The following GATA5 variants were observed in gnomAD, a reference collection of about 807,000 sequenced individuals.
GATA5 encodes GATA binding protein 5, also known as transcription factor GATA-5.
Under a neutral mutation model 35.0 loss-of-function variants are expected in GATA5, and 27 were observed. That is an observed-to-expected ratio of 0.77 (90% CI 0.57 to 1.06). The LOEUF is 1.06. GATA5 is among the 50% of genes least tolerant of loss of function. GATA5 has a pLI of 0.00. For synonymous variants in GATA5, 306 were observed against 267.8 expected, an observed-to-expected ratio of 1.14 and a Z score of -1.39; for missense variants, 612 against 580.0, an observed-to-expected ratio of 1.06 and a Z score of -0.57.
rs564720227 is a variant in GATA5, at chr20:62,475,496, G to C, written c.26C>G (p.Ala9Gly). 9.8e-6 allele frequency: 13 copies of C among 1,320,534 alleles called. No homozygotes were observed. In the South Asian group the frequency reaches 2.8e-4, roughly 28 times the overall value. 81.8% of individuals were successfully genotyped at this position (1,320,534 alleles called of 1,614,324 possible). A position where few individuals can be genotyped will look rare whatever the true frequency, so the allele number is the denominator to read the frequency against. ...GGCGTAGGCGGCCTGGCGGGGGCTC[G>C]CGGCCAGCGCCAGGCTCTGGTACAT... The part of the protein sequence containing the change: MYQSLALA[A>G]SPRQAAYADS... The change falls in exon 2 of 7, where the codon GCG becomes GGG. Residue 9 changes from alanine (A) to glycine (G), a missense_variant. By Grantham distance (60) the Ala-to-Gly change is moderately conservative. Coordinates refer to ENST00000252997, the MANE Select transcript of GATA5 (RefSeq NM_080473.5).
At chr20:62,465,223 C>T (rs1361875132) in intron 6 of GATA5, 117 bp downstream of exon 6, 90 of 1,158,240 alleles carry the variant, frequency 7.8e-5, no homozygotes, top group Non-Finnish European at 9.9e-5. Flanking sequence ...CGAAGGCAGC[C>T]GGTGTGTCCA....
intron 6 of GATA5, 80 bp downstream of exon 6, chr20:62,465,260 G>A: frequency 7.0e-7 from 1 of 1,428,246 alleles, no homozygotes; most frequent in Non-Finnish European, 9.3e-7. Context: ...AGGCTCCGAG[G>A]GGCTCTGATG....
chr20:62,468,786 G>C (rs1215161722), intron 3 of GATA5, among the ~76,000 whole-genome samples: 2 of 152,360 alleles, frequency 1.3e-5, no homozygotes, highest in East Asian at 3.9e-4. Flanking sequence ...CTGGGGGTGA[G>C]ACTTCTGCTC....
At chr20:62,467,314 CA>C (rs1204592814) in intron 3 of GATA5, among the ~76,000 whole-genome samples, 1 of 152,188 alleles carries the variant, frequency 6.6e-6, no homozygotes, top group Non-Finnish European at 1.5e-5. Context: ...GAAGGTGGAC[CA>C]GGGGCCTCCC....
chr20:62,467,398 C>T (rs965567481), intron 3 of GATA5, among the ~76,000 whole-genome samples: 6 of 152,062 alleles, frequency 3.9e-5, no homozygotes, highest in South Asian at 4.1e-4. Context: ...TTTGGGAGCT[C>T]GGGAGCTCCA....
chr20:62,466,507 C>G lies in GATA5; in HGVS notation c.744G>C (p.Thr248=). 1 of 1,565,804 alleles carries G rather than the reference C, an allele frequency of 6.4e-7. No homozygotes were observed. The highest frequency in any genetic ancestry group is 8.7e-7 in the Non-Finnish European group (1 of 1,155,374). ...RAGLCCTNCH[T]TNTTLWRRNS... is the part of the protein sequence containing the mutation. ...TCCGCCGCCACAGCGTGGTGTTGGTCGTGTGGCAGTTGGTGCAGCAGAGGC... is the reference window on the plus strand; with the variant it reads ...TCCGCCGCCACAGCGTGGTGTTGGTGGTGTGGCAGTTGGTGCAGCAGAGGC... The change falls in exon 4 of 7, where the codon ACG becomes ACC. Residue 248 remains threonine, a synonymous_variant. Coordinates refer to ENST00000252997, the MANE Select transcript of GATA5 (RefSeq NM_080473.5).
At chr20:62,471,315 T>A (rs1452705860) in intron 3 of GATA5, among the ~76,000 whole-genome samples, 1 of 151,774 alleles carries the variant, frequency 6.6e-6, no homozygotes, top group African/African-American at 2.4e-5. Context: ...TGAAGGGAGG[T>A]CTGGGCTGCA....
At chr20:62,475,843 G>C in intron 1 of GATA5, 87 bp downstream of exon 1, 1 of 220,262 alleles carries the variant, frequency 4.5e-6, no homozygotes, top group Non-Finnish European at 8.9e-6. Flanking sequence ...GCCGCAGGAC[G>C]CAGGGCCTGG....
At chr20:62,473,934 G>T (rs1244737372) in intron 2 of GATA5, among the ~76,000 whole-genome samples, 1 of 152,132 alleles carries the variant, frequency 6.6e-6, no homozygotes, top group Non-Finnish European at 1.5e-5. Flanking sequence ...GTCTACACTG[G>T]CGGGGGAGGT....
At chr20:62,472,291 C>T (rs1989741957) in intron 3 of GATA5, among the ~76,000 whole-genome samples, 1 of 152,172 alleles carries the variant, frequency 6.6e-6, no homozygotes, top group Non-Finnish European at 1.5e-5. Context: ...GGTCCTGCTT[C>T]CCACCACCTG....
rs1327408328 is a variant in GATA5, at chr20:62,475,347, C to A, written c.175G>T (p.Ala59Ser). Residue 59 changes from alanine to serine, a missense_variant, in exon 2 of 7, where the codon GCT becomes TCT. Physicochemically the swap from Ala to Ser is moderately conservative, Grantham distance 99. Transcript: ENST00000252997. ...GTCTGCGCCCAGCCGGGGCGCGCAG[C>A]GAGCTCGGGGGGCTGCGGGCTCGGC... ...CEPSPQPPEL[A>S]ARPGWAQTAT... 2 of 1,255,674 alleles carry A rather than the reference C, an allele frequency of 1.6e-6. No individual in the cohort carries two copies. The highest frequency in any genetic ancestry group is 1.0e-6 in the Non-Finnish European group (1 of 999,160). 77.8% of individuals were successfully genotyped at this position (1,255,674 alleles called of 1,614,324 possible). A position where few individuals can be genotyped will look rare whatever the true frequency, so the allele number is the denominator to read the frequency against.
chr20:62,474,452 A>G (rs1422444788), intron 2 of GATA5, among the ~76,000 whole-genome samples: 2 of 152,214 alleles, frequency 1.3e-5, no homozygotes, highest in Non-Finnish European at 2.9e-5. Flanking sequence ...GAGGCCTCCA[A>G]GGTCCCGGAG....
At chr20:62,465,133 G>A (rs1048019550) in intron 6 of GATA5, 142 bp from the exon 7 acceptor site, 3 of 900,502 alleles carry the variant, frequency 3.3e-6, no homozygotes, top group East Asian at 5.4e-5. Flanking sequence ...ATGGCATGGG[G>A]GACCCCACGT....
intron 3 of GATA5, among the ~76,000 whole-genome samples, chr20:62,469,574 G>T (rs1233177262): frequency 1.3e-5 from 2 of 152,254 alleles, no homozygotes; most frequent in Non-Finnish European, 2.9e-5. Flanking sequence ...ACAAGGTGGG[G>T]CGCGCAGGAC....
At chr20:62,465,764 C>T in intron 5 of GATA5, 70 bp downstream of exon 5, 3 of 1,204,720 alleles carry the variant, frequency 2.5e-6, no homozygotes, top group Non-Finnish European at 3.6e-6. Context: ...ACAGGTCTCT[C>T]ATGACGGAAC....
intron 3 of GATA5, 25 bp from the exon 4 acceptor site, chr20:62,466,576 T>C: frequency 6.5e-7 from 1 of 1,539,274 alleles, no homozygotes; most frequent in Non-Finnish European, 8.8e-7. Flanking sequence ...GAGACTGGAG[T>C]GAGCCCCGGG....
rs539360544 is a variant in GATA5 at position 62,466,667 on chromosome 20, G to A, written c.700-116C>T. 2.6e-5 allele frequency: 32 copies of A among 1,229,446 alleles called. 1 individual carries two copies. Among genetic ancestry groups the A allele is most frequent in the South Asian group, 2.9e-5 (2 of 68,068 alleles). The allele number at this position is 1,229,446 out of a possible 1,614,324, so 76.2% of individuals were successfully genotyped here. A position where few individuals can be genotyped will look rare whatever the true frequency, so the allele number is the denominator to read the frequency against. ...CCACGCAGGACCCGGTGAGAAGGTC[G>A]TGAGCTCTGCAATGGCCTCGCCTGG... On this transcript the variant is annotated intron_variant, in intron 3 of 6. Transcript: ENST00000252997.
In GATA5 at chr20:62,464,876, G is replaced by GC. The variant is rs782541275; in HGVS notation, c.1153dup (p.Ala385GlyfsTer32). On this transcript the variant is annotated frameshift_variant, in exon 7 of 7. Coordinates refer to ENST00000252997, the MANE Select transcript of GATA5 (RefSeq NM_080473.5). LOFTEE classifies it high-confidence loss of function. ...CGCACACCAGGCCTCTTGGCGCAGAGCCCCCCTGAGGCCAGCCTGGGGGCT... is the reference window on the plus strand; with the variant it reads ...CGCACACCAGGCCTCTTGGCGCAGAGCCCCCCCTGAGGCCAGCCTGGGGGCT... 1.9e-6 allele frequency: 3 copies of GC among 1,609,708 alleles called. No homozygotes were observed. Among genetic ancestry groups the GC allele is most frequent in the South Asian group, 1.1e-5 (1 of 90,886 alleles).
rs1989841368 is a variant in GATA5 at position 62,475,560 on chromosome 20, A to C, written c.-21-18T>G. On this transcript the variant is annotated intron_variant, in intron 1 of 6. Transcript: ENST00000252997. ...GTCTTGACCTGCAGGGAAGAGGGAC[A>C]GGTGTGGAGGTCACGGGAGCTCTGC... 6 of 1,243,862 alleles carry C rather than the reference A, an allele frequency of 4.8e-6. No individual in the cohort carries two copies. Among genetic ancestry groups the C allele is most frequent in the Middle Eastern group, 2.1e-4 (1 of 4,746 alleles). 77.1% of individuals were successfully genotyped at this position (1,243,862 alleles called of 1,614,324 possible). A position where few individuals can be genotyped will look rare whatever the true frequency, so the allele number is the denominator to read the frequency against.
Sources: allele counts gnomAD v4.1 joint callset (sites outside exome capture counted in the v4.1 genomes callset), GRCh38; gene constraint gnomAD v4.1.1; transcripts MANE v1.5; gene names NCBI Gene and HGNC (gene_info 2026-07-23, HGNC 2026-07-21).